ADGB: variants seen among roughly 807,000 people sequenced by gnomAD.
ADGB encodes the protein androglobin, also known as calpain-7-like protein.
Under a neutral mutation model 210.5 loss-of-function variants are expected in ADGB, and 172 were observed. That is an observed-to-expected ratio of 0.82 (90% CI 0.72 to 0.93). ADGB has a LOEUF of 0.93. Ranked by LOEUF, ADGB falls within the 40% of genes least tolerant of loss-of-function variation. The pLI is 0.00. For missense variants in ADGB, 2,025 were observed against 1,964.8 expected (o/e 1.03, Z -0.58); for synonymous variants, 658 against 662.7 (o/e 0.99, Z 0.11).
At chr6:146,707,574 T>C (rs1033827553) in intron 13 of ADGB, among the ~76,000 whole-genome samples, 2 of 152,152 alleles carry the variant, frequency 1.3e-5, no homozygotes, top group African/African-American at 4.8e-5. Flanking sequence ...GACACCTTTA[T>C]CATTATGAAA....
intron 1 of ADGB, among the ~76,000 whole-genome samples, chr6:146,634,769 T>C (rs1474508850): frequency 6.6e-6 from 1 of 152,020 alleles, no homozygotes; most frequent in African/African-American, 2.4e-5. Flanking sequence ...ACAACCACCA[T>C]AGTCTTGTTT....
chr6:146,627,472 T>G (rs1023937858), intron 1 of ADGB, among the ~76,000 whole-genome samples: 60 of 152,108 alleles, frequency 3.9e-4, no homozygotes, highest in African/African-American at 1.4e-3. Flanking sequence ...GTTTTAAGAT[T>G]TGTTACGTGG....
intron 20 of ADGB, among the ~76,000 whole-genome samples, chr6:146,729,958 C>T (rs1300473970): frequency 6.6e-6 from 1 of 152,084 alleles, no homozygotes; most frequent in Non-Finnish European, 1.5e-5. Context: ...CCAGTTGTGA[C>T]AACTGAAAAA....
Position 146,702,969 on chromosome 6 carries a change from A to G in ADGB, c.1707+1899A>G, listed in dbSNP as rs111288876. ...CATGGAGTGTGTAGGGATTTTTTAA[A>G]AATTTTGCCAATCAGATTGGTAAGA... On this transcript the variant is annotated intron_variant, in intron 13 of 35. Transcript: ENST00000397944. Among the ~76,000 whole-genome samples, 676 of 151,938 alleles carry G rather than the reference A, an allele frequency of 4.4e-3. 4 individuals are homozygous for G. The highest frequency in any genetic ancestry group is 0.016 in the African/African-American group (644 of 41,530).
intron 13 of ADGB, among the ~76,000 whole-genome samples, chr6:146,712,424 T>A (rs1653303893): frequency 1.3e-5 from 2 of 152,104 alleles, no homozygotes; most frequent in African/African-American, 4.8e-5. Flanking sequence ...TAACCTCAGG[T>A]GATCCACCCA....
At chr6:146,691,498 A>ATTTT (rs1319836837) in intron 11 of ADGB, among the ~76,000 whole-genome samples, 286 of 17,022 alleles carry the variant, frequency 0.017, 12 homozygotes, top group Non-Finnish European at 0.02. Flanking sequence ...ATATATATAT[A>ATTTT]TATTTTTTTT....
intron 35 of ADGB, among the ~76,000 whole-genome samples, chr6:146,812,654 C>A (rs1238921390): frequency 2.0e-5 from 3 of 152,218 alleles, no homozygotes; most frequent in Admixed American, 6.5e-5. Context: ...CTTGTATGTT[C>A]TGCACCTGGG....
chr6:146,661,804 A>G (rs907947775), intron 5 of ADGB, among the ~76,000 whole-genome samples: 4 of 152,052 alleles, frequency 2.6e-5, no homozygotes, highest in Non-Finnish European at 5.9e-5. Flanking sequence ...ATGACAAATT[A>G]TCTTATCTTT....
chr6:146,791,535 G>A (rs1348562379), intron 33 of ADGB, among the ~76,000 whole-genome samples: 1 of 151,978 alleles, frequency 6.6e-6, no homozygotes, highest in Non-Finnish European at 1.5e-5. Context: ...TAGAGATGAG[G>A]TCTCACTATG....
chr6:146,717,137 A>T (rs1048638663), intron 15 of ADGB, 68 bp downstream of exon 15: 19 of 1,260,352 alleles, frequency 1.5e-5, no homozygotes, highest in Non-Finnish European at 2.1e-5. Flanking sequence ...ATTAGTATAC[A>T]AAGTCACATT....
intron 29 of ADGB, among the ~76,000 whole-genome samples, chr6:146,779,062 G>T (rs1307711489): frequency 8.0e-6 from 1 of 125,320 alleles, no homozygotes; most frequent in East Asian, 2.5e-4. Context: ...AGTAGCTTTG[G>T]AAAAAAAAAA....
chr6:146,671,610 T>C (rs777999767), intron 7 of ADGB, among the ~76,000 whole-genome samples: 1 of 152,130 alleles, frequency 6.6e-6, no homozygotes, highest in Non-Finnish European at 1.5e-5. Context: ...GTGACACACA[T>C]TTATGGATAA....
At chr6:146,629,107 C>A (rs1367012502) in intron 1 of ADGB, among the ~76,000 whole-genome samples, 1 of 152,060 alleles carries the variant, frequency 6.6e-6, no homozygotes, top group Non-Finnish European at 1.5e-5. Flanking sequence ...AAGGCCCTTC[C>A]ACATACAGTG....
In ADGB at chr6:146,788,432, T is replaced by C. The variant is rs1777911087; in HGVS notation, c.4359T>C (p.Asn1453=). ...ARGVKEPNSK[N]SAGSESKEMT... ...GCGTAAAAGAACCAAACTCAAAGAA[T>C]TCTGCAGGTTCAGAGAGCAAAGAGA... Residue 1453 remains asparagine (N), a synonymous_variant, in exon 33 of 36, where the codon AAT becomes AAC. Transcript: ENST00000397944. 6.4e-7 allele frequency: 1 copy of C among 1,551,546 alleles called. No individual in the cohort carries two copies. The highest frequency in any genetic ancestry group is 2.4e-5 in the East Asian group (1 of 40,894).
intron 3 of ADGB, among the ~76,000 whole-genome samples, chr6:146,651,255 C>T (rs969855443): frequency 6.6e-6 from 1 of 152,312 alleles, no homozygotes; most frequent in South Asian, 2.1e-4. Flanking sequence ...ATCCCTGGCA[C>T]ACTGCTGCAG....
At position 146,815,123 on chromosome 6, in the gene ADGB, C is replaced by G; in HGVS notation, c.4910C>G (p.Thr1637Ser). ...LLEAEHLKLE[T>S]LAAQEAAMKL... ...GAAGCTGAGCACCTAAAGCTGGAAA[C>G]TCTGGCTGCTCAGGAAGCAGCCATG... Residue 1637 changes from threonine to serine, a missense_variant, in exon 36 of 36, where the codon ACT becomes AGT. Physicochemically the swap from Thr to Ser is moderately conservative, Grantham distance 58. Coordinates refer to ENST00000397944, the MANE Select transcript of ADGB (RefSeq NM_024694.4). 6.5e-7 allele frequency: 1 copy of G among 1,548,298 alleles called. No homozygotes were observed. Among genetic ancestry groups the G allele is most frequent in the Non-Finnish European group, 8.7e-7 (1 of 1,146,180 alleles).
At position 146,721,458 on chromosome 6, in the gene ADGB, A is replaced by G. The variant is rs556079205; in HGVS notation, c.2048A>G (p.Glu683Gly). ...TTTGTAGATAGTCTAAAACCTATTG[A>G]ACTACTGGTTTGCTTTTCTGCATTG... Reference protein sequence around the residue: ...YLFVDSLKPIELLVCFSALVR... With the variant: ...YLFVDSLKPIGLLVCFSALVR... The change falls in exon 17 of 36, where the codon GAA becomes GGA. Residue 683 changes from glutamate to glycine, a missense_variant. Coordinates refer to ENST00000397944, the MANE Select transcript of ADGB (RefSeq NM_024694.4). 2 of 1,551,426 alleles carry G rather than the reference A, an allele frequency of 1.3e-6. No individual in the cohort carries two copies. Among genetic ancestry groups the G allele is most frequent in the African/African-American group, 1.4e-5 (1 of 73,152 alleles).
chr6:146,801,195 G>A lies in ADGB; in HGVS notation c.4550G>A (p.Arg1517His), dbSNP rs368196239. The A allele has an allele frequency of 1.9e-5, 28 of 1,495,450 alleles. No homozygotes were observed. Among genetic ancestry groups the A allele is most frequent in the Middle Eastern group, 1.7e-4 (1 of 5,814 alleles). 92.6% of individuals were successfully genotyped at this position (1,495,450 alleles called of 1,614,324 possible). ...GTTTTTTTTAAAGAAACAGGACCTC[G>A]TACACGATCTCCAACAATTTTGGAA... Reference protein sequence around the residue: ...TRKENIQTGPRTRSPTILETS... With the variant: ...TRKENIQTGPHTRSPTILETS... Residue 1517 changes from arginine to histidine, a missense_variant, in exon 34 of 36, where the codon CGT (arginine) becomes CAT (histidine). Arg to His is a conservative substitution (Grantham distance 29). Coordinates refer to ENST00000397944, the MANE Select transcript of ADGB (RefSeq NM_024694.4).
At chr6:146,791,497 C>T (rs1181631405) in intron 33 of ADGB, among the ~76,000 whole-genome samples, 1 of 151,906 alleles carries the variant, frequency 6.6e-6, no homozygotes, top group Non-Finnish European at 1.5e-5. Flanking sequence ...GCGCATGCCA[C>T]CATTTCTGGT....
Sources: gnomAD v4.1 joint callset for allele counts (sites outside exome capture counted in the v4.1 genomes callset) on GRCh38, gnomAD v4.1.1 for gene constraint, MANE v1.5 for transcripts, NCBI Gene and HGNC (gene_info 2026-07-23, HGNC 2026-07-21) for gene names.